IL22RA1: variants seen among roughly 807,000 people sequenced by gnomAD.
IL22RA1 encodes the protein interleukin 22 receptor subunit alpha 1.
Under a neutral mutation model 32.8 loss-of-function variants are expected in IL22RA1, and 25 were observed. That is an observed-to-expected ratio of 0.76 (90% CI 0.55 to 1.06). IL22RA1 has a LOEUF of 1.06. Ranked by LOEUF, IL22RA1 falls within the 50% of genes least tolerant of loss-of-function variation. The pLI, the probability that IL22RA1 is intolerant of heterozygous loss-of-function variation, is 0.00. For missense variants in IL22RA1, 709 were observed against 727.4 expected, an observed-to-expected ratio of 0.97 and a Z score of 0.29; for synonymous variants, 305 against 305.0, an observed-to-expected ratio of 1.00 and a Z score of 0.00.
chr1:24,137,117 G>A lies in IL22RA1; in HGVS notation c.355+14C>T. On this transcript the variant is annotated intron_variant, in intron 3 of 6. Transcript: ENST00000270800. ...CTCTTCCCTCCCCTGAAACCCACAGGGGCTCCAACTCACTGTGCTGCAGAG... is the reference window on the plus strand; with the variant it reads ...CTCTTCCCTCCCCTGAAACCCACAGAGGCTCCAACTCACTGTGCTGCAGAG... 1 of 1,600,476 alleles carries A rather than the reference G, an allele frequency of 6.2e-7. No homozygotes were observed. The highest frequency in any genetic ancestry group is 8.6e-7 in the Non-Finnish European group (1 of 1,169,202).
At chr1:24,122,096 G>A (rs1644128021) in intron 6 of IL22RA1, among the ~76,000 whole-genome samples, 1 of 152,200 alleles carries the variant, frequency 6.6e-6, no homozygotes, top group Non-Finnish European at 1.5e-5. Flanking sequence ...ACGGGTCCCT[G>A]AGGGCCTAAT....
chr1:24,134,192 G>T lies in IL22RA1; in HGVS notation c.531+19C>A. On this transcript the variant is annotated intron_variant, in intron 4 of 6. Transcript: ENST00000270800. ...AGGCTTCCTAGGCAGAGAAAGACCAGGGTGCAACATACACTCACCATTTGG... is the reference window on the plus strand; with the variant it reads ...AGGCTTCCTAGGCAGAGAAAGACCATGGTGCAACATACACTCACCATTTGG... 1 of 1,590,698 alleles carries T rather than the reference G, an allele frequency of 6.3e-7. No homozygotes were observed.
chr1:24,122,811 T>A (rs1408781004), intron 6 of IL22RA1, among the ~76,000 whole-genome samples: 2 of 151,302 alleles, frequency 1.3e-5, no homozygotes, highest in Admixed American at 1.3e-4. Context: ...AAAAAAAAAA[T>A]CTGTTTAAAA....
Position 24,143,041 on chromosome 1 carries a change from A to T in IL22RA1, c.42T>A (p.Ala14=). ...LLTILTVGSL[A]AHAPEDPSDL... Reference sequence around the variant, plus strand: ...ACCACAGGGTAGATGGGCACTCACCAGCCAGGGATCCCACAGTCAAGATGG... The same window carrying T: ...ACCACAGGGTAGATGGGCACTCACCTGCCAGGGATCCCACAGTCAAGATGG... Residue 14 remains alanine, a splice_region_variant and synonymous_variant, in exon 1 of 7, where the codon GCT becomes GCA. Transcript: ENST00000270800. The T allele has an allele frequency of 6.2e-7, 1 of 1,613,262 alleles. No homozygotes were observed. Among genetic ancestry groups the T allele is most frequent in the Non-Finnish European group, 8.5e-7 (1 of 1,179,702 alleles).
chr1:24,131,838 G>A (rs1430892842), intron 4 of IL22RA1, among the ~76,000 whole-genome samples: 3 of 152,118 alleles, frequency 2.0e-5, no homozygotes, highest in African/African-American at 7.2e-5. Flanking sequence ...CACAAGGAAC[G>A]TTCACCAGGA....
At chr1:24,129,392 T>C (rs961803271) in intron 4 of IL22RA1, among the ~76,000 whole-genome samples, 4 of 152,236 alleles carry the variant, frequency 2.6e-5, no homozygotes, top group African/African-American at 4.8e-5. Flanking sequence ...AATAGTACCA[T>C]GTGAGCATCT....
chr1:24,125,014 G>A (rs1644151546), intron 5 of IL22RA1, among the ~76,000 whole-genome samples: 5 of 152,178 alleles, frequency 3.3e-5, no homozygotes, highest in Admixed American at 2.6e-4. Context: ...CAGCCTGAGA[G>A]TAAGGAATAC....
intron 3 of IL22RA1, among the ~76,000 whole-genome samples, chr1:24,136,149 C>A (rs975732068): frequency 5.3e-5 from 8 of 152,086 alleles, no homozygotes; most frequent in African/African-American, 1.9e-4. Flanking sequence ...GAGATGGGGT[C>A]TCACTGTGTT....
At chr1:24,133,791 A>G (rs1429547035) in intron 4 of IL22RA1, among the ~76,000 whole-genome samples, 1 of 152,230 alleles carries the variant, frequency 6.6e-6, no homozygotes, top group Non-Finnish European at 1.5e-5. Flanking sequence ...AAATTGTATT[A>G]AACAAATTGA....
In IL22RA1 at chr1:24,136,917, GAGGTGGAGA is replaced by G. The variant is rs1383827180; in HGVS notation, c.355+205_355+213del. ...GGTCTGAACTAGGGAGGTTGGGGTG[GAGGTGGAGA>G]AAAGTGAACAAACCTGCTAGGAACA... On this transcript the variant is annotated intron_variant, in intron 3 of 6. Transcript: ENST00000270800. 5.3e-5 allele frequency among the ~76,000 whole-genome samples: 8 copies of G among 151,982 alleles called. No homozygotes were observed. In the East Asian group the frequency reaches 1.6e-3, roughly 29 times the overall value.
chr1:24,142,865 C>T (rs1212662224), intron 1 of IL22RA1, among the ~76,000 whole-genome samples, 175 bp downstream of exon 1: 1 of 152,218 alleles, frequency 6.6e-6, no homozygotes, highest in Non-Finnish European at 1.5e-5. Context: ...CTCATGCCCC[C>T]AGCAAACTAA....
At chr1:24,134,428 A>G in intron 3 of IL22RA1, 42 bp from the exon 4 acceptor site, 1 of 1,425,632 alleles carries the variant, frequency 7.0e-7, no homozygotes, top group South Asian at 1.5e-5. Flanking sequence ...AAAAGTCAGA[A>G]TCGGTGGGTA....
At chr1:24,138,938 C>T (rs1453613471) in intron 1 of IL22RA1, among the ~76,000 whole-genome samples, 1 of 152,258 alleles carries the variant, frequency 6.6e-6, no homozygotes, top group African/African-American at 2.4e-5. Flanking sequence ...CATCCATTCT[C>T]AGCCATTTTG....
chr1:24,141,287 G>A (rs1644279717), intron 1 of IL22RA1, among the ~76,000 whole-genome samples: 1 of 152,200 alleles, frequency 6.6e-6, no homozygotes, highest in Non-Finnish European at 1.5e-5. Flanking sequence ...TGGATTCAGG[G>A]CTGAGTCTAA....
chr1:24,140,797 G>T (rs916305315), intron 1 of IL22RA1, among the ~76,000 whole-genome samples: 7 of 152,254 alleles, frequency 4.6e-5, no homozygotes, highest in African/African-American at 1.7e-4. Context: ...GCTGGCGTGG[G>T]AAATAAACAG....
At chr1:24,131,726 A>G (rs1332938659) in intron 4 of IL22RA1, among the ~76,000 whole-genome samples, 1 of 152,234 alleles carries the variant, frequency 6.6e-6, no homozygotes, top group African/African-American at 2.4e-5. Flanking sequence ...TAAATCAGGA[A>G]AGACATAGAA....
intron 5 of IL22RA1, among the ~76,000 whole-genome samples, chr1:24,127,276 T>G (rs1644172373): frequency 6.6e-6 from 1 of 151,944 alleles, no homozygotes; most frequent in Non-Finnish European, 1.5e-5. Context: ...TAGGCCTCAT[T>G]CCATCCCTCA....
intron 3 of IL22RA1, chr1:24,134,817 C>T: frequency 2.0e-6 from 2 of 981,974 alleles, no homozygotes; most frequent in Non-Finnish European, 2.4e-6. Context: ...ATTGATGCAG[C>T]CTCAAAGATC....
At chr1:24,135,028 A>G (rs528046184) in intron 3 of IL22RA1, 21 of 155,522 alleles carry the variant, frequency 1.4e-4, no homozygotes, top group Middle Eastern at 6.6e-3. Context: ...AAAATTCCTC[A>G]ATGATCCTTT....
Sources: gnomAD v4.1 joint callset for allele counts (sites outside exome capture counted in the v4.1 genomes callset) on GRCh38, gnomAD v4.1.1 for gene constraint, MANE v1.5 for transcripts, NCBI Gene and HGNC (gene_info 2026-07-23, HGNC 2026-07-21) for gene names.